Variants in DYM observed in about 807,000 individuals in gnomAD.
DYM encodes the protein dyggve-Melchior-Clausen syndrome protein.
In DYM, 78 loss-of-function variants were observed where a neutral mutation model predicts 93.1. The observed-to-expected ratio is 0.84, with a 90% CI of 0.70 to 1.01. The LOEUF (loss-of-function observed/expected upper bound fraction) is 1.01. Ranked by LOEUF, DYM falls within the 50% of genes least tolerant of loss-of-function variation. The probability of loss-of-function intolerance (pLI) is 0.00; values close to 1 mark genes in which losing one functional copy is unlikely to be tolerated. For synonymous variants in DYM, 321 were observed against 319.7 expected (o/e 1.00, Z -0.04); for missense variants, 789 against 845.0 (o/e 0.93, Z 0.82).
At chr18:49,235,147 G>C in intron 13 of DYM, among the ~76,000 whole-genome samples, 1 of 152,198 alleles carries the variant, frequency 6.6e-6, no homozygotes, top group South Asian at 2.1e-4. Flanking sequence ...ACAGAATTGT[G>C]GGATAACAAA....
intron 17 of DYM, chr18:49,097,042 G>A (rs749216384): frequency 1.4e-5 from 5 of 365,650 alleles, no homozygotes; most frequent in Non-Finnish European, 2.6e-5. Context: ...GTGTGGCACT[G>A]AGTCACACTA....
At chr18:49,215,581 C>T (rs531147545) in intron 13 of DYM, among the ~76,000 whole-genome samples, 28 of 152,258 alleles carry the variant, frequency 1.8e-4, no homozygotes, top group African/African-American at 6.7e-4. Flanking sequence ...AAGAAGTAAA[C>T]AGATTATTCT....
chr18:49,144,409 G>A (rs897950245), intron 15 of DYM, among the ~76,000 whole-genome samples: 3 of 152,044 alleles, frequency 2.0e-5, no homozygotes, highest in African/African-American at 7.2e-5. Context: ...AGTCACTAAT[G>A]CTCAATGCTC....
chr18:49,136,993 T>C (rs182612329), intron 15 of DYM, among the ~76,000 whole-genome samples: 119 of 152,366 alleles, frequency 7.8e-4, no homozygotes, highest in African/African-American at 2.7e-3. Context: ...CTAGTATCAA[T>C]GGCAACAAAG....
rs550960311 is a variant in DYM at position 49,044,783 on chromosome 18, G to A, written c.2026-579C>T. Among the ~76,000 whole-genome samples, 6 of 152,372 alleles carry A rather than the reference G, an allele frequency of 3.9e-5. No homozygotes were observed. The East Asian group carries it at 1.2e-3, about 29-fold the overall frequency. On this transcript the variant is annotated intron_variant, in intron 17 of 17. Transcript: ENST00000675505. ...TTCCTCCCTGGAGGCAGGAGCAATG[G>A]CTTTGGCTTTGCGGAGAGGGAGCCC...
intron 17 of DYM, among the ~76,000 whole-genome samples, chr18:49,063,401 C>A (rs1186599481): frequency 6.8e-6 from 1 of 147,224 alleles, no homozygotes; most frequent in Non-Finnish European, 1.5e-5. Flanking sequence ...GATATATGAA[C>A]AGAACTAAAG....
chr18:49,318,434 A>T (rs1443274259), intron 8 of DYM, among the ~76,000 whole-genome samples: 3 of 152,142 alleles, frequency 2.0e-5, no homozygotes, highest in African/African-American at 7.2e-5. Flanking sequence ...CCTGGCCAAA[A>T]TGATGAAACA....
intron 15 of DYM, among the ~76,000 whole-genome samples, chr18:49,119,389 A>G (rs2082182132): frequency 6.6e-6 from 1 of 152,228 alleles, no homozygotes; most frequent in Admixed American, 6.5e-5. Context: ...TAAACAGACT[A>G]TGATTTTGTC....
intron 17 of DYM, among the ~76,000 whole-genome samples, chr18:49,067,438 A>G (rs357856): frequency 0.72 from 12,733 of 17,760 alleles, 3,959 homozygotes; most frequent in South Asian, 0.76. Flanking sequence ...AGGAAGGAGT[A>G]GGGTGATGTG....
intron 17 of DYM, among the ~76,000 whole-genome samples, chr18:49,058,553 C>A (rs1490643058): frequency 6.6e-6 from 1 of 152,104 alleles, no homozygotes; most frequent in African/African-American, 2.4e-5. Flanking sequence ...GTCAAGTGAT[C>A]CTCCTGACTT....
chr18:49,149,705 T>G (rs1035637927), intron 15 of DYM, among the ~76,000 whole-genome samples: 1 of 137,938 alleles, frequency 7.2e-6, no homozygotes, highest in Non-Finnish European at 1.6e-5. Flanking sequence ...ACAAAGTGTT[T>G]TTTTTTTTTT....
chr18:49,246,112 T>C (rs1457160534), intron 13 of DYM, among the ~76,000 whole-genome samples: 1 of 152,208 alleles, frequency 6.6e-6, no homozygotes, highest in African/African-American at 2.4e-5. Context: ...GAACAAATTG[T>C]AAATGCTCGG....
chr18:49,156,654 C>T (rs577310261), intron 15 of DYM, among the ~76,000 whole-genome samples: 1 of 150,680 alleles, frequency 6.6e-6, no homozygotes, highest in African/African-American at 2.4e-5. Context: ...ATTGCTTGAA[C>T]CCAGGAGGCA....
chr18:49,081,876 C>T (rs1169868771), intron 17 of DYM, among the ~76,000 whole-genome samples: 3 of 152,198 alleles, frequency 2.0e-5, no homozygotes, highest in East Asian at 3.9e-4. Flanking sequence ...CTGCAGTCAG[C>T]CCAAGGCTGA....
chr18:49,360,807 A>G (rs118093238), intron 6 of DYM, among the ~76,000 whole-genome samples: 6 of 152,264 alleles, frequency 3.9e-5, no homozygotes, highest in Non-Finnish European at 8.8e-5. Flanking sequence ...TATTTTTCTC[A>G]TGTAAGAGGA....
At chr18:49,267,380 C>A (rs1429616346) in intron 11 of DYM, among the ~76,000 whole-genome samples, 3 of 152,096 alleles carry the variant, frequency 2.0e-5, no homozygotes, top group Non-Finnish European at 4.4e-5. Flanking sequence ...CCCCAGGATG[C>A]AAAGTTGATT....
At chr18:49,267,821 C>A (rs1433552309) in intron 11 of DYM, among the ~76,000 whole-genome samples, 3 of 152,176 alleles carry the variant, frequency 2.0e-5, no homozygotes, top group Non-Finnish European at 4.4e-5. Flanking sequence ...TCACTTGAAC[C>A]CACGAGGCGG....
intron 13 of DYM, among the ~76,000 whole-genome samples, chr18:49,210,585 T>G (rs1330548140): frequency 6.6e-6 from 1 of 152,184 alleles, no homozygotes. Flanking sequence ...AGAGGATTTT[T>G]AGGACAGTGA....
chr18:49,197,781 A>G (rs1048494024), intron 14 of DYM, among the ~76,000 whole-genome samples: 3 of 152,194 alleles, frequency 2.0e-5, no homozygotes, highest in Non-Finnish European at 2.9e-5. Flanking sequence ...GGAAGAATCA[A>G]TATCATGAAA....
Sources: allele counts gnomAD v4.1 joint callset (sites outside exome capture counted in the v4.1 genomes callset), GRCh38; gene constraint gnomAD v4.1.1; transcripts MANE v1.5; gene names NCBI Gene and HGNC (gene_info 2026-07-23, HGNC 2026-07-21).